The following KCNH1 variants were observed in gnomAD, a reference collection of about 807,000 sequenced individuals.
KCNH1 encodes voltage-gated delayed rectifier potassium channel KCNH1.
In KCNH1, 27 loss-of-function variants were observed where a neutral mutation model predicts 69.2. The ratio of observed to expected loss-of-function variants is 0.39; its 90% CI spans 0.29 to 0.54. The LOEUF (loss-of-function observed/expected upper bound fraction) is 0.54. Among genes scored for constraint, KCNH1 ranks in the 20% least tolerant of loss-of-function variants. The pLI is 0.68. For missense variants in KCNH1, 798 were observed against 1,261.6 expected (o/e 0.63, Z 5.57); for synonymous variants, 456 against 487.7 (o/e 0.93, Z 0.86).
intron 7 of KCNH1, among the ~76,000 whole-genome samples, chr1:210,874,709 T>C (rs1322577506): frequency 6.6e-6 from 1 of 152,244 alleles, no homozygotes; most frequent in African/African-American, 2.4e-5. Flanking sequence ...CATATTCATA[T>C]ACATATAGCA....
intron 6 of KCNH1, among the ~76,000 whole-genome samples, chr1:210,923,556 T>C (rs1687507022): frequency 6.6e-6 from 1 of 152,250 alleles, no homozygotes; most frequent in African/African-American, 2.4e-5. Context: ...GAGGCACAAC[T>C]GCACGACTGT....
chr1:210,833,550 C>T (rs1416710670), intron 7 of KCNH1, among the ~76,000 whole-genome samples: 1 of 152,196 alleles, frequency 6.6e-6, no homozygotes, highest in African/African-American at 2.4e-5. Flanking sequence ...GGATTAAAGA[C>T]TTAAACGTTA....
At chr1:211,122,419 G>A (rs535721294) in intron 1 of KCNH1, among the ~76,000 whole-genome samples, 10 of 152,250 alleles carry the variant, frequency 6.6e-5, no homozygotes, top group South Asian at 2.1e-4. Flanking sequence ...ACAGTGTGGC[G>A]ATTCCTCAAG....
At chr1:210,838,888 C>A (rs1390057033) in intron 7 of KCNH1, among the ~76,000 whole-genome samples, 1 of 151,966 alleles carries the variant, frequency 6.6e-6, no homozygotes, top group Non-Finnish European at 1.5e-5. Flanking sequence ...GTCAGAATGG[C>A]CACTAAAAAG....
chr1:210,742,959 AT>A (rs564346997), intron 10 of KCNH1, among the ~76,000 whole-genome samples: 124 of 152,344 alleles, frequency 8.1e-4, no homozygotes, highest in African/African-American at 3.0e-3. Context: ...GGTCCAAAAA[AT>A]GTATTCCAGC....
chr1:211,084,881 G>C (rs1690926266), intron 4 of KCNH1, among the ~76,000 whole-genome samples: 1 of 152,092 alleles, frequency 6.6e-6, no homozygotes, highest in African/African-American at 2.4e-5. Context: ...CTAGATACTA[G>C]AGATACTAAC....
chr1:210,877,271 G>T (rs1686397123), intron 7 of KCNH1, among the ~76,000 whole-genome samples: 1 of 152,132 alleles, frequency 6.6e-6, no homozygotes, highest in African/African-American at 2.4e-5. Context: ...TAAGTGGAAG[G>T]TGGAAGACTG....
At chr1:211,093,795 T>C (rs1267677814) in intron 3 of KCNH1, among the ~76,000 whole-genome samples, 1 of 152,180 alleles carries the variant, frequency 6.6e-6, no homozygotes, top group Admixed American at 6.5e-5. Flanking sequence ...CTCTGGACCT[T>C]TTTCCTAGGT....
At chr1:210,820,111 T>C (rs1427125666) in intron 7 of KCNH1, among the ~76,000 whole-genome samples, 1 of 152,254 alleles carries the variant, frequency 6.6e-6, no homozygotes, top group Non-Finnish European at 1.5e-5. Flanking sequence ...TTTAAGCCTC[T>C]ACATTTTGGG....
At chr1:210,901,673 A>C (rs1686998102) in intron 7 of KCNH1, among the ~76,000 whole-genome samples, 1 of 152,222 alleles carries the variant, frequency 6.6e-6, no homozygotes, top group Non-Finnish European at 1.5e-5. Context: ...GAGATGGGGC[A>C]TGGGGCCTGG....
chr1:210,869,844 T>G (rs1184854829), intron 7 of KCNH1, among the ~76,000 whole-genome samples: 1 of 152,118 alleles, frequency 6.6e-6, no homozygotes, highest in African/African-American at 2.4e-5. Context: ...CTGGAAATAT[T>G]CAACTTACAG....
chr1:210,847,987 A>G (rs1685598641), intron 7 of KCNH1, among the ~76,000 whole-genome samples: 1 of 152,128 alleles, frequency 6.6e-6, no homozygotes, highest in African/African-American at 2.4e-5. Context: ...TTAAGATGAA[A>G]AACAGTGATA....
intron 5 of KCNH1, among the ~76,000 whole-genome samples, chr1:211,037,265 C>T (rs1468022302): frequency 6.6e-6 from 1 of 152,098 alleles, no homozygotes; most frequent in East Asian, 1.9e-4. Context: ...GAAGCAAGGC[C>T]ACCAGCTCCA....
chr1:211,018,720 A>G lies in KCNH1; in HGVS notation c.1032+63T>C. 2.3e-6 allele frequency: 3 copies of G among 1,279,382 alleles called. 1 individual carries two copies. The highest frequency in any genetic ancestry group is 1.4e-5 in the South Asian group (1 of 71,508). 79.3% of individuals were successfully genotyped at this position (1,279,382 alleles called of 1,614,324 possible). On this transcript the variant is annotated intron_variant, in intron 6 of 10. Transcript: ENST00000271751. ...CACCCATTTAATTATTCTTCTGTTGACCACCCACATTTAACTCAGTTTTAA... is the reference window on the plus strand; with the variant it reads ...CACCCATTTAATTATTCTTCTGTTGGCCACCCACATTTAACTCAGTTTTAA...
intron 5 of KCNH1, chr1:211,063,535 G>A (rs1690471212): frequency 6.6e-6 from 1 of 152,308 alleles, no homozygotes. Context: ...GAAGTCGGGA[G>A]TTCGAGACCA....
chr1:211,001,155 T>A (rs1689170586), intron 6 of KCNH1, among the ~76,000 whole-genome samples: 1 of 151,898 alleles, frequency 6.6e-6, no homozygotes, highest in Admixed American at 6.6e-5. Flanking sequence ...AAGACAAAAT[T>A]GACAAATGGG....
intron 7 of KCNH1, among the ~76,000 whole-genome samples, chr1:210,830,880 G>C (rs1014322727): frequency 2.6e-5 from 4 of 152,160 alleles, no homozygotes; most frequent in Non-Finnish European, 4.4e-5. Flanking sequence ...CAATAAAACT[G>C]CCCCAGCTTG....
At chr1:210,833,998 C>T (rs911314475) in intron 7 of KCNH1, among the ~76,000 whole-genome samples, 2 of 152,156 alleles carry the variant, frequency 1.3e-5, no homozygotes, top group Non-Finnish European at 2.9e-5. Flanking sequence ...GCATCTCACA[C>T]CAGTTAGAAT....
intron 10 of KCNH1, among the ~76,000 whole-genome samples, chr1:210,716,431 C>CAAAAAAA (rs58725705): frequency 0.021 from 1,939 of 91,660 alleles, 71 homozygotes; most frequent in East Asian, 0.16. Flanking sequence ...GACTCCGTCT[C>CAAAAAAA]AAAAAAAAAA....
Sources: gnomAD v4.1 joint callset for allele counts (sites outside exome capture counted in the v4.1 genomes callset) on GRCh38, gnomAD v4.1.1 for gene constraint, MANE v1.5 for transcripts, NCBI Gene and HGNC (gene_info 2026-07-23, HGNC 2026-07-21) for gene names.